The following DOCK4 variants were observed in gnomAD, a reference collection of about 807,000 sequenced individuals.
The protein encoded by DOCK4 is dedicator of cytokinesis protein 4.
Under a neutral mutation model 268.1 loss-of-function variants are expected in DOCK4, and 97 were observed. The ratio of observed to expected loss-of-function variants is 0.36; its 90% confidence interval spans 0.31 to 0.43. The LOEUF is 0.43. Ranked by LOEUF, DOCK4 falls within the 20% of genes least tolerant of loss-of-function variation. The pLI, the probability that DOCK4 is intolerant of heterozygous loss-of-function variation, is 1.00. For missense variants in DOCK4, 2,145 were observed against 2,455.7 expected, an observed-to-expected ratio of 0.87 and a Z score of 2.67; for synonymous variants, 954 against 887.2, an observed-to-expected ratio of 1.08 and a Z score of -1.34.
chr7:111,872,625 C>G (rs925673531), intron 17 of DOCK4, 61 bp from the exon 18 acceptor site: 2 of 1,379,454 alleles, frequency 1.4e-6, no homozygotes, highest in South Asian at 1.4e-5. Context: ...CACATGAAAG[C>G]GTTCTGCTAG....
intron 23 of DOCK4, 155 bp downstream of exon 23, chr7:111,863,217 T>C: frequency 1.4e-6 from 1 of 721,132 alleles, no homozygotes; most frequent in East Asian, 2.7e-5. Context: ...TACTTTTGTA[T>C]TTGACTACTA....
intron 1 of DOCK4, among the ~76,000 whole-genome samples, chr7:112,177,126 A>G (rs913657562): frequency 1.3e-5 from 2 of 152,234 alleles, no homozygotes; most frequent in Non-Finnish European, 2.9e-5. Context: ...TTAGAAATCT[A>G]TATGATCCTC....
At chr7:111,951,401 T>A (rs920749314) in intron 8 of DOCK4, among the ~76,000 whole-genome samples, 1 of 151,834 alleles carries the variant, frequency 6.6e-6, no homozygotes, top group Non-Finnish European at 1.5e-5. Context: ...TTGGCCAAAG[T>A]TGTGTGGTCA....
intron 30 of DOCK4, among the ~76,000 whole-genome samples, chr7:111,792,954 T>C (rs1406929994): frequency 1.3e-5 from 2 of 152,268 alleles, no homozygotes; most frequent in South Asian, 4.1e-4. Context: ...ACACTGGCAA[T>C]AGATGAACAC....
intron 6 of DOCK4, among the ~76,000 whole-genome samples, 164 bp from the exon 7 acceptor site, chr7:111,984,554 C>T (rs926162316): frequency 4.6e-5 from 7 of 152,148 alleles, no homozygotes; most frequent in East Asian, 1.9e-4. Flanking sequence ...AATATAACTC[C>T]GCTGGACACT....
intron 15 of DOCK4, among the ~76,000 whole-genome samples, chr7:111,897,525 G>C (rs1051814254): frequency 6.6e-6 from 1 of 152,094 alleles, no homozygotes; most frequent in Non-Finnish European, 1.5e-5. Context: ...TGATGTGCTG[G>C]AGCTGGATCA....
intron 1 of DOCK4, among the ~76,000 whole-genome samples, chr7:112,070,736 G>A (rs72603556): frequency 0.096 from 14,533 of 152,158 alleles, 1,064 homozygotes; most frequent in East Asian, 0.39. Context: ...ATGAGACACA[G>A]CTCATATTAG....
intron 1 of DOCK4, among the ~76,000 whole-genome samples, chr7:112,106,966 A>ATT (rs942124747): frequency 5.9e-5 from 9 of 152,222 alleles, no homozygotes; most frequent in Admixed American, 5.9e-4. Flanking sequence ...TCATAAAGTA[A>ATT]TTTTTTAAGT....
At chr7:111,840,070 T>G (rs548751209) in intron 25 of DOCK4, among the ~76,000 whole-genome samples, 1 of 152,226 alleles carries the variant, frequency 6.6e-6, no homozygotes, top group Non-Finnish European at 1.5e-5. Context: ...TTCTTTTGTA[T>G]AAATCACCTT....
chr7:111,927,938 A>C (rs1793867013), intron 12 of DOCK4, among the ~76,000 whole-genome samples: 1 of 152,204 alleles, frequency 6.6e-6, no homozygotes, highest in African/African-American at 2.4e-5. Flanking sequence ...AAAGTGTTGC[A>C]GAGAAGAACC....
intron 36 of DOCK4, among the ~76,000 whole-genome samples, chr7:111,769,885 T>G (rs951518094): frequency 6.6e-6 from 1 of 152,210 alleles, no homozygotes; most frequent in Non-Finnish European, 1.5e-5. Context: ...AGATCTGTAT[T>G]TCATCTTTTG....
At chr7:112,031,804 C>T (rs1803300318) in intron 1 of DOCK4, among the ~76,000 whole-genome samples, 1 of 152,160 alleles carries the variant, frequency 6.6e-6, no homozygotes, top group Non-Finnish European at 1.5e-5. Flanking sequence ...AAGAGAGATG[C>T]TGACAAACCA....
At chr7:112,173,908 G>C (rs981900614) in intron 1 of DOCK4, among the ~76,000 whole-genome samples, 15 of 152,282 alleles carry the variant, frequency 9.9e-5, no homozygotes, top group African/African-American at 3.6e-4. Flanking sequence ...GGCACTGACA[G>C]GACCTGGACC....
chr7:112,073,036 T>C (rs1484150648), intron 1 of DOCK4, among the ~76,000 whole-genome samples: 4 of 152,064 alleles, frequency 2.6e-5, no homozygotes, highest in Non-Finnish European at 5.9e-5. Flanking sequence ...TGGGAACATC[T>C]AAAACCCAAG....
At chr7:112,012,352 A>T (rs927316433) in intron 1 of DOCK4, among the ~76,000 whole-genome samples, 1 of 152,224 alleles carries the variant, frequency 6.6e-6, no homozygotes, top group Non-Finnish European at 1.5e-5. Flanking sequence ...AGCAAAAAAA[A>T]AAAAAATCTT....
At chr7:112,070,296 A>G (rs1459126376) in intron 1 of DOCK4, among the ~76,000 whole-genome samples, 4 of 152,166 alleles carry the variant, frequency 2.6e-5, no homozygotes, top group African/African-American at 9.7e-5. Context: ...GGAAGAAGGA[A>G]GGGATATTAT....
chr7:112,133,320 C>T (rs1322848114), intron 1 of DOCK4, among the ~76,000 whole-genome samples: 1 of 152,134 alleles, frequency 6.6e-6, no homozygotes, highest in African/African-American at 2.4e-5. Context: ...TGTTCCACTC[C>T]ACAAATGTTC....
At chr7:111,983,862 G>GCGCACACA in intron 7 of DOCK4, among the ~76,000 whole-genome samples, 18 of 138,648 alleles carry the variant, frequency 1.3e-4, no homozygotes, top group South Asian at 9.7e-4. Flanking sequence ...GCGCGCGCGC[G>GCGCACACA]CACACACACA....
chr7:112,026,287 G>C (rs557709172), intron 1 of DOCK4, among the ~76,000 whole-genome samples: 1 of 152,326 alleles, frequency 6.6e-6, no homozygotes, highest in South Asian at 2.1e-4. Context: ...TCATAGGAGC[G>C]TGAACCCTAC....
Sources: gnomAD v4.1 joint callset for allele counts (sites outside exome capture counted in the v4.1 genomes callset) on GRCh38, gnomAD v4.1.1 for gene constraint, MANE v1.5 for transcripts, NCBI Gene and HGNC (gene_info 2026-07-23, HGNC 2026-07-21) for gene names.